FBXW10: variants seen among roughly 807,000 people sequenced by gnomAD.
The protein encoded by FBXW10 is F-box/WD repeat-containing protein 10.
In FBXW10, 68 loss-of-function variants were observed where a neutral mutation model predicts 113.1. The ratio of observed to expected loss-of-function variants is 0.60; its 90% CI spans 0.49 to 0.74. FBXW10 has a LOEUF of 0.74. FBXW10 is among the 30% of genes least tolerant of loss of function. The pLI, the probability that FBXW10 is intolerant of heterozygous loss-of-function variation, is 0.00. For synonymous variants in FBXW10, 289 were observed against 481.6 expected (o/e 0.60, Z 5.24); for missense variants, 753 against 1,284.5 (o/e 0.59, Z 6.32).
At chr17:18,752,872 T>A (rs915386558) in intron 5 of FBXW10, among the ~76,000 whole-genome samples, 3 of 152,158 alleles carry the variant, frequency 2.0e-5, no homozygotes, top group Non-Finnish European at 4.4e-5. Flanking sequence ...CATTTGAACG[T>A]GGACCTGTTT....
At chr17:18,760,956 T>C (rs1325673193) in intron 7 of FBXW10, among the ~76,000 whole-genome samples, 19 of 152,172 alleles carry the variant, frequency 1.2e-4, no homozygotes, top group Admixed American at 1.2e-3. Flanking sequence ...CTCTTTGCAA[T>C]TCAACCTTGT....
intron 11 of FBXW10, among the ~76,000 whole-genome samples, chr17:18,771,847 G>C (rs2035619083): frequency 6.6e-6 from 1 of 152,312 alleles, no homozygotes; most frequent in Admixed American, 6.5e-5. Context: ...AGTGGCTCGT[G>C]CTTGTAATTT....
chr17:18,776,323 A>T (rs1330618283), intron 13 of FBXW10, among the ~76,000 whole-genome samples: 2 of 143,486 alleles, frequency 1.4e-5, no homozygotes, highest in African/African-American at 2.6e-5. Flanking sequence ...GATTCCGTTT[A>T]AAAAAAAAAA....
chr17:18,747,376 C>T (rs2035058586), intron 1 of FBXW10, among the ~76,000 whole-genome samples: 1 of 152,140 alleles, frequency 6.6e-6, no homozygotes, highest in African/African-American at 2.4e-5. Context: ...GCCTGGCCAA[C>T]ATGGCGAAAC....
chr17:18,775,010 A>G (rs1399714052), intron 12 of FBXW10, 126 bp from the exon 13 acceptor site: 1 of 636,896 alleles, frequency 1.6e-6, no homozygotes, highest in Non-Finnish European at 2.8e-6. Context: ...TACCCATAAA[A>G]AACAAGATAG....
chr17:18,760,363 A>T (rs2151809427), intron 7 of FBXW10, among the ~76,000 whole-genome samples: 1 of 152,312 alleles, frequency 6.6e-6, no homozygotes, highest in South Asian at 2.1e-4. Context: ...CAAGTCCAAA[A>T]TCTGCAGCGT....
In FBXW10 at chr17:18,775,194, T is replaced by C. The variant is rs2035679816; in HGVS notation, c.2335+2T>C. 6.3e-7 allele frequency: 1 copy of C among 1,598,862 alleles called. No homozygotes were observed. Among genetic ancestry groups the C allele is most frequent in the South Asian group, 1.1e-5 (1 of 90,766 alleles). On this transcript the variant is annotated splice_donor_variant, in intron 13 of 13. Coordinates refer to ENST00000395665, the MANE Select transcript of FBXW10 (RefSeq NM_001267585.2). LOFTEE classifies it high-confidence loss of function. ...AGTCAAAATCACCCCGAAGAGATGG[T>C]AAGAAGAGAGTTTATTCTGTTCATA... is the stretch of plus-strand genomic sequence containing the variant.
intron 10 of FBXW10, 152 bp from the exon 11 acceptor site, chr17:18,769,775 C>T (rs1189055430): frequency 9.4e-6 from 8 of 851,248 alleles, no homozygotes; most frequent in Non-Finnish European, 1.4e-5. Context: ...GAAACTCCAT[C>T]TCAAAAAAAA....
At chr17:18,745,562 C>T (rs1256310215) in intron 1 of FBXW10, among the ~76,000 whole-genome samples, 4 of 152,000 alleles carry the variant, frequency 2.6e-5, no homozygotes, top group Non-Finnish European at 5.9e-5. Context: ...ACTACAGGTG[C>T]GTGCCACCAT....
intron 2 of FBXW10, among the ~76,000 whole-genome samples, chr17:18,749,410 G>A (rs1255035940): frequency 6.6e-6 from 1 of 152,002 alleles, no homozygotes; most frequent in Non-Finnish European, 1.5e-5. Flanking sequence ...AGCCGGGCGT[G>A]GTGGCGGGCT....
chr17:18,760,478 C>A (rs1421238705), intron 7 of FBXW10, among the ~76,000 whole-genome samples: 2 of 152,244 alleles, frequency 1.3e-5, no homozygotes, highest in Non-Finnish European at 2.9e-5. Flanking sequence ...TAACTGTGTT[C>A]ATAGTATCTA....
Position 18,749,679 on chromosome 17 carries a change from C to A in FBXW10, c.671-43C>A, listed in dbSNP as rs1328109707. 5 of 1,613,622 alleles carry A rather than the reference C, an allele frequency of 3.1e-6. No homozygotes were observed. In the Admixed American group the frequency reaches 5.0e-5, roughly 16 times the overall value. On this transcript the variant is annotated intron_variant, in intron 2 of 13. Transcript: ENST00000395665. ...ACTTGTTCTTGGCCTGGAGTTTCTA[C>A]AGAGCCAACTCAACCACGTACCTTT...
intron 7 of FBXW10, among the ~76,000 whole-genome samples, chr17:18,760,573 G>A (rs1011468628): frequency 6.6e-6 from 1 of 152,248 alleles, no homozygotes; most frequent in East Asian, 1.9e-4. Context: ...GGAGGCTGAG[G>A]CAGGCGGATC....
At position 18,772,619 on chromosome 17, in the gene FBXW10, AGAGCTCCTACCAG is replaced by A; in HGVS notation, c.2216_2228del (p.Glu739AlafsTer10). 1 of 1,614,150 alleles carries A rather than the reference AGAGCTCCTACCAG, an allele frequency of 6.2e-7. No homozygotes were observed. Among genetic ancestry groups the A allele is most frequent in the South Asian group, 1.1e-5 (1 of 91,088 alleles). ...TATCCAGTAAACAAACTGTGATCCA[AGAGCTCCTACCAG>A]GCAAACCTCCCAAGTCCCGAGTACT... On this transcript the variant is annotated frameshift_variant, in exon 12 of 14. Transcript: ENST00000395665. LOFTEE classifies it high-confidence loss of function.
intron 7 of FBXW10, among the ~76,000 whole-genome samples, chr17:18,763,445 C>T (rs191585893): frequency 9.9e-5 from 15 of 152,098 alleles, no homozygotes; most frequent in South Asian, 2.1e-4. Flanking sequence ...TGTGAGCCAC[C>T]GTGCCCGGCT....
At chr17:18,757,851 C>A (rs1007656071) in intron 6 of FBXW10, among the ~76,000 whole-genome samples, 8 of 152,208 alleles carry the variant, frequency 5.3e-5, no homozygotes, top group Non-Finnish European at 1.0e-4. Flanking sequence ...CCTGTGGTAT[C>A]TACTAGCACA....
chr17:18,770,218 G>A, intron 11 of FBXW10, 133 bp downstream of exon 11: 2 of 1,373,700 alleles, frequency 1.5e-6, no homozygotes, highest in South Asian at 2.6e-5. Context: ...TACAATTCTG[G>A]CTGGGTGGAG....
At chr17:18,751,156 C>T in intron 5 of FBXW10, 103 bp downstream of exon 5, 1 of 1,489,964 alleles carries the variant, frequency 6.7e-7, no homozygotes, top group Non-Finnish European at 9.1e-7. Flanking sequence ...GACAGAGGAT[C>T]ACGGCAGGTG....
chr17:18,771,113 A>C (rs971501884), intron 11 of FBXW10, among the ~76,000 whole-genome samples: 13 of 150,780 alleles, frequency 8.6e-5, no homozygotes, highest in South Asian at 4.2e-4. Context: ...GCTAAAAAAA[A>C]AAAACAAAAC....
Sources: gnomAD v4.1 joint callset for allele counts (sites outside exome capture counted in the v4.1 genomes callset) on GRCh38, gnomAD v4.1.1 for gene constraint, MANE v1.5 for transcripts, NCBI Gene and HGNC (gene_info 2026-07-23, HGNC 2026-07-21) for gene names.